The following GAB2 variants were observed in gnomAD, a reference collection of about 807,000 sequenced individuals.
GAB2 encodes the protein GRB2 associated binding protein 2.
Under a neutral mutation model 65.5 loss-of-function variants are expected in GAB2, and 26 were observed. That is an observed-to-expected ratio of 0.40 (90% CI 0.29 to 0.55). The LOEUF is 0.55. Ranked by LOEUF, GAB2 falls within the 20% of genes least tolerant of loss-of-function variation. GAB2 has a pLI of 0.53. For synonymous variants in GAB2, 321 were observed against 329.6 expected, an observed-to-expected ratio of 0.97 and a Z score of 0.28; for missense variants, 884 against 875.8, an observed-to-expected ratio of 1.01 and a Z score of -0.12.
rs1475198751 is a variant in GAB2 at position 78,218,675 on chromosome 11, G to A, written c.*597C>T. 1 of 152,948 alleles carries A rather than the reference G, an allele frequency of 6.5e-6. No homozygotes were observed. Among genetic ancestry groups the A allele is most frequent in the African/African-American group, 2.4e-5 (1 of 41,426 alleles). The allele number at this position is 152,948 out of a possible 1,614,324, so 9.5% of individuals were successfully genotyped here. On this transcript the variant is annotated 3_prime_UTR_variant, in exon 10 of 10. Transcript: ENST00000361507. Reference sequence around the variant, plus strand: ...GATGTCAGCTTTCCCTCTTCATCTGGGCATCTAAGTCCTTTACCCCTCAAG... The same window carrying A: ...GATGTCAGCTTTCCCTCTTCATCTGAGCATCTAAGTCCTTTACCCCTCAAG...
chr11:78,295,510 A>G (rs1328462728), intron 1 of GAB2, among the ~76,000 whole-genome samples: 1 of 152,180 alleles, frequency 6.6e-6, no homozygotes, highest in Non-Finnish European at 1.5e-5. Context: ...TTCAATCAAC[A>G]TTTATGAAAT....
chr11:78,317,173 C>G (rs1855625102), intron 1 of GAB2, among the ~76,000 whole-genome samples: 1 of 152,152 alleles, frequency 6.6e-6, no homozygotes, highest in South Asian at 2.1e-4. Flanking sequence ...GGTATAGTTT[C>G]AGTTTGGGAA....
chr11:78,323,326 A>G lies in GAB2; in HGVS notation c.76-42425T>C, dbSNP rs376592755. Reference sequence around the variant, plus strand: ...GGAGTTCGAGACCAGCCTGGCCAACATGGTGAAATCCCATCTCTACTAAAA... The same window carrying G: ...GGAGTTCGAGACCAGCCTGGCCAACGTGGTGAAATCCCATCTCTACTAAAA... On this transcript the variant is annotated intron_variant, in intron 1 of 9. Coordinates refer to ENST00000361507, the MANE Select transcript of GAB2 (RefSeq NM_080491.3). Among the ~76,000 whole-genome samples the G allele has an allele frequency of 5.1e-4, 77 of 152,246 alleles. No homozygotes were observed. The East Asian group carries it at 5.6e-3, about 11-fold the overall frequency.
chr11:78,393,636 C>T (rs1480454676), intron 1 of GAB2, among the ~76,000 whole-genome samples: 4 of 152,134 alleles, frequency 2.6e-5, no homozygotes, highest in Non-Finnish European at 5.9e-5. Context: ...AGAAATTCAT[C>T]CTAAGGATAA....
intron 1 of GAB2, among the ~76,000 whole-genome samples, chr11:78,358,483 C>CAA (rs59495222): frequency 0.011 from 1,183 of 106,216 alleles, 23 homozygotes; most frequent in African/African-American, 0.037. Context: ...ATAAAGTGAC[C>CAA]AAAAAAAAAA....
chr11:78,396,395 T>C (rs777482418), intron 1 of GAB2, among the ~76,000 whole-genome samples: 14 of 152,264 alleles, frequency 9.2e-5, no homozygotes, highest in African/African-American at 3.4e-4. Context: ...TGTTTTCATA[T>C]ATAATTGTGG....
intron 1 of GAB2, among the ~76,000 whole-genome samples, chr11:78,305,014 C>A (rs972611247): frequency 2.0e-5 from 3 of 152,230 alleles, no homozygotes; most frequent in African/African-American, 7.2e-5. Context: ...AGGACAGGCA[C>A]AGTGCCTCTC....
intron 2 of GAB2, among the ~76,000 whole-genome samples, chr11:78,268,634 G>C (rs1439049690): frequency 6.6e-6 from 1 of 151,956 alleles, no homozygotes; most frequent in Non-Finnish European, 1.5e-5. Flanking sequence ...TGTGGAGTTG[G>C]GACGAGATGC....
At chr11:78,366,600 AAAAAAAAAAG>A (rs1405419326) in intron 1 of GAB2, among the ~76,000 whole-genome samples, 7 of 148,432 alleles carry the variant, frequency 4.7e-5, no homozygotes, top group Admixed American at 4.7e-4. Context: ...AAAAAAAAAA[AAAAAAAAAAG>A]ATGAGTACTA....
chr11:78,300,749 C>T (rs1469728968), intron 1 of GAB2, among the ~76,000 whole-genome samples: 4 of 135,304 alleles, frequency 3.0e-5, no homozygotes, highest in Non-Finnish European at 6.1e-5. Flanking sequence ...GGCTGGAATG[C>T]GGTGGCATGA....
intron 5 of GAB2, 150 bp from the exon 6 acceptor site, chr11:78,223,826 A>T (rs956684520): frequency 1.6e-6 from 1 of 634,894 alleles, no homozygotes. Flanking sequence ...ACCAAATAAG[A>T]AAGCAGAGTA....
chr11:78,339,803 A>T (rs11237458), intron 1 of GAB2, among the ~76,000 whole-genome samples: 40,705 of 151,922 alleles, frequency 0.27, 6,343 homozygotes, highest in African/African-American at 0.42. Flanking sequence ...CGGAAAACTG[A>T]CTTGTGAATA....
At chr11:78,356,504 T>A in intron 1 of GAB2, among the ~76,000 whole-genome samples, 1 of 152,226 alleles carries the variant, frequency 6.6e-6, no homozygotes, top group East Asian at 1.9e-4. Flanking sequence ...TCTTCCCTTT[T>A]TAGCATCCCA....
In GAB2 at chr11:78,235,022, C is replaced by T. The variant is rs529591313; in HGVS notation, c.621-7971G>A. On this transcript the variant is annotated intron_variant, in intron 3 of 9. Transcript: ENST00000361507. ...GACAGACTTTCTCCTCCCGGGCCAC[C>T]GGGAGGGGCTGCCATGAAGGTCTCT... Among the ~76,000 whole-genome samples the T allele has an allele frequency of 3.9e-5, 6 of 152,096 alleles. No individual in the cohort carries two copies. In the East Asian group the frequency reaches 5.8e-4, roughly 15 times the overall value.
chr11:78,379,544 G>A (rs1035813333), intron 1 of GAB2, among the ~76,000 whole-genome samples: 2 of 152,218 alleles, frequency 1.3e-5, no homozygotes, highest in Non-Finnish European at 2.9e-5. Context: ...ATAACAGTGA[G>A]CAAATGGGTC....
intron 1 of GAB2, among the ~76,000 whole-genome samples, chr11:78,376,186 C>G (rs1856629240): frequency 6.6e-6 from 1 of 152,188 alleles, no homozygotes; most frequent in Non-Finnish European, 1.5e-5. Context: ...AGATTGTAGT[C>G]AGCTCTCTTT....
At chr11:78,247,866 T>C (rs1865340321) in intron 3 of GAB2, among the ~76,000 whole-genome samples, 1 of 152,178 alleles carries the variant, frequency 6.6e-6, no homozygotes. Flanking sequence ...TTTGAACTTA[T>C]TTTCTCCAAA....
chr11:78,407,591 C>T (rs1161196517), intron 1 of GAB2, among the ~76,000 whole-genome samples: 1 of 148,822 alleles, frequency 6.7e-6, no homozygotes, highest in African/African-American at 2.5e-5. Flanking sequence ...CCAGATAGTG[C>T]CATTGCATTC....
chr11:78,288,758 C>G (rs948757948), intron 1 of GAB2, among the ~76,000 whole-genome samples: 2 of 152,152 alleles, frequency 1.3e-5, no homozygotes, highest in African/African-American at 4.8e-5. Context: ...CCCAAACTGA[C>G]GTACAGATTT....
Sources: allele counts gnomAD v4.1 joint callset (sites outside exome capture counted in the v4.1 genomes callset), GRCh38; gene constraint gnomAD v4.1.1; transcripts MANE v1.5; gene names NCBI Gene and HGNC (gene_info 2026-07-23, HGNC 2026-07-21).